Variants in CYP19A1 observed in about 807,000 individuals in gnomAD.
CYP19A1 encodes the protein cytochrome P450 family 19 subfamily A member 1.
In CYP19A1, 32 loss-of-function variants were observed where a neutral mutation model predicts 44.4. That is an observed-to-expected ratio of 0.72 (90% confidence interval 0.54 to 0.97). The LOEUF is 0.97. Ranked by LOEUF, CYP19A1 falls within the 50% of genes least tolerant of loss-of-function variation. The pLI, the probability that CYP19A1 is intolerant of heterozygous loss-of-function variation, is 0.00. For synonymous variants in CYP19A1, 212 were observed against 215.6 expected (o/e 0.98, Z 0.14); for missense variants, 598 against 637.8 (o/e 0.94, Z 0.67).
chr15:51,314,899 G>A (rs1166847859), intron 1 of CYP19A1, among the ~76,000 whole-genome samples: 7 of 152,116 alleles, frequency 4.6e-5, no homozygotes, highest in Admixed American at 4.6e-4. Context: ...CTCCAAACCT[G>A]TTGGTTGTAC....
At chr15:51,301,120 C>A (rs2141001313) in intron 1 of CYP19A1, among the ~76,000 whole-genome samples, 1 of 152,260 alleles carries the variant, frequency 6.6e-6, no homozygotes, top group Middle Eastern at 3.4e-3. Flanking sequence ...TTGGAATGAT[C>A]AAAGGAAAAC....
rs886051270 is a variant in CYP19A1, at chr15:51,208,534, T to C, written c.*2274A>G. 22 of 122,042 alleles carry C rather than the reference T, an allele frequency of 1.8e-4. No individual in the cohort carries two copies. Among genetic ancestry groups the C allele is most frequent in the Non-Finnish European group, 4.3e-4 (22 of 51,532 alleles). The allele number at this position is 122,042 out of a possible 1,614,324, so 7.6% of individuals were successfully genotyped here. A position where few individuals can be genotyped will look rare whatever the true frequency, so the allele number is the denominator to read the frequency against. ...TAACAATGGGGCAAAATTCTGAAGA[T>C]AATAGAATTTTCAAAATGTGTTCAT... On this transcript the variant is annotated 3_prime_UTR_variant, in exon 10 of 10. Coordinates refer to ENST00000396402, the MANE Select transcript of CYP19A1 (RefSeq NM_000103.4).
At chr15:51,323,217 C>G (rs1385851377) in intron 1 of CYP19A1, among the ~76,000 whole-genome samples, 2 of 152,184 alleles carry the variant, frequency 1.3e-5, no homozygotes, top group Non-Finnish European at 2.9e-5. Context: ...CACAATTGCT[C>G]ACCATGCCTG....
Position 51,236,988 on chromosome 15 carries a change from A to C in CYP19A1, c.167T>G (p.Ile56Ser). The C allele has an allele frequency of 6.2e-7, 1 of 1,614,170 alleles. No homozygotes were observed. Among genetic ancestry groups the C allele is most frequent in the Non-Finnish European group, 8.5e-7 (1 of 1,180,014 alleles). ...SIPGPGYCMG[I>S]GPLISHGRFL... ...TCTGCCGTGGGAGATGAGGGGTCCA[A>C]TTCCCATGCAGTAGCCAGGACCTAG... The change falls in exon 3 of 10, where the codon ATT becomes AGT. Residue 56 changes from isoleucine to serine, a missense_variant. Ile to Ser is a moderately radical substitution (Grantham distance 142). Transcript: ENST00000396402.
At position 51,275,773 on chromosome 15, in the gene CYP19A1, G is replaced by A. The variant is rs112268610; in HGVS notation, c.-38-32823C>T. On this transcript the variant is annotated intron_variant, in intron 1 of 9. Coordinates refer to ENST00000396402, the MANE Select transcript of CYP19A1 (RefSeq NM_000103.4). Reference sequence around the variant, plus strand: ...TAAGAGTTCAAAAATTCTGCTGAAAGGCCAACCATGTAGTTATTGAACAAG... The same window carrying A: ...TAAGAGTTCAAAAATTCTGCTGAAAAGCCAACCATGTAGTTATTGAACAAG... Among the ~76,000 whole-genome samples, 961 of 152,236 alleles carry A rather than the reference G, an allele frequency of 6.3e-3. 7 individuals carry two copies. Among genetic ancestry groups the A allele is most frequent in the African/African-American group, 0.022 (922 of 41,520 alleles).
rs1393228820 is a variant in CYP19A1, at chr15:51,209,824, G to C, written c.*984C>G. ...TCGAGGGAGAAGGATAAGGGGATGA[G>C]AGGAGTACCCCTTAGAAGTTTGAGC... On this transcript the variant is annotated 3_prime_UTR_variant, in exon 10 of 10. Transcript: ENST00000396402. 6.4e-6 allele frequency: 1 copy of C among 155,662 alleles called. No homozygotes were observed. Among genetic ancestry groups the C allele is most frequent in the East Asian group, 1.9e-4 (1 of 5,244 alleles). 9.6% of individuals were successfully genotyped at this position (155,662 alleles called of 1,614,324 possible).
At chr15:51,303,995 T>C (rs150214627) in intron 1 of CYP19A1, among the ~76,000 whole-genome samples, 8 of 152,224 alleles carry the variant, frequency 5.3e-5, no homozygotes, top group African/African-American at 1.7e-4. Flanking sequence ...GTGATAATAG[T>C]GGTTTCAGCC....
chr15:51,276,388 A>C (rs1035112857), intron 1 of CYP19A1, among the ~76,000 whole-genome samples: 3 of 152,228 alleles, frequency 2.0e-5, no homozygotes, highest in African/African-American at 7.2e-5. Flanking sequence ...CGATTTGCAA[A>C]GTCCCAAAGA....
chr15:51,211,157 T>C, intron 9 of CYP19A1, 101 bp from the exon 10 acceptor site: 1 of 811,156 alleles, frequency 1.2e-6, no homozygotes, highest in South Asian at 1.4e-5. Flanking sequence ...GAACACTGTT[T>C]TGGGGTTATC....
rs920320823 is a variant in CYP19A1, at chr15:51,208,789, GGATATTTTTGTACCTGCAAAATA to G, written c.*1996_*2018del. 6.5e-5 allele frequency: 8 copies of G among 123,462 alleles called. No individual in the cohort carries two copies. The Admixed American group carries it at 8.6e-4, about 13-fold the overall frequency. 7.6% of individuals were successfully genotyped at this position (123,462 alleles called of 1,614,324 possible). A position where few individuals can be genotyped will look rare whatever the true frequency, so the allele number is the denominator to read the frequency against. ...CCCTTCCACTCCCAGTTTTCCCCCAGGATATTTTTGTACCTGCAAAATAGATATCTATGTACAGCTATATCAAA... is the reference window on the plus strand; with the variant it reads ...CCCTTCCACTCCCAGTTTTCCCCCAGGATATCTATGTACAGCTATATCAAA... On this transcript the variant is annotated 3_prime_UTR_variant, in exon 10 of 10. Transcript: ENST00000396402.
At chr15:51,241,863 C>G (rs1237469576) in intron 2 of CYP19A1, among the ~76,000 whole-genome samples, 1 of 152,068 alleles carries the variant, frequency 6.6e-6, no homozygotes, top group Non-Finnish European at 1.5e-5. Flanking sequence ...TGTGCTAGCC[C>G]CATGCTCCCA....
chr15:51,273,112 A>T (rs1759083912), intron 1 of CYP19A1, among the ~76,000 whole-genome samples: 1 of 151,992 alleles, frequency 6.6e-6, no homozygotes, highest in Admixed American at 6.6e-5. Context: ...GGTGCACGTT[A>T]CCACACCCAG....
intron 1 of CYP19A1, among the ~76,000 whole-genome samples, chr15:51,282,151 A>G (rs2035540932): frequency 6.6e-6 from 1 of 152,160 alleles, no homozygotes; most frequent in Admixed American, 6.5e-5. Context: ...CAGACACATG[A>G]TGATAGTTAC....
chr15:51,328,426 A>G (rs938888486), intron 1 of CYP19A1, among the ~76,000 whole-genome samples: 5 of 152,300 alleles, frequency 3.3e-5, no homozygotes, highest in African/African-American at 4.8e-5. Context: ...CTAAATGTCA[A>G]TGGCATCCCA....
At chr15:51,310,700 T>G (rs1004933051) in intron 1 of CYP19A1, among the ~76,000 whole-genome samples, 1 of 152,190 alleles carries the variant, frequency 6.6e-6, no homozygotes, top group Non-Finnish European at 1.5e-5. Context: ...TCTGGCCAAG[T>G]GGCATGAAAC....
chr15:51,223,292 G>A (rs1454803053), intron 4 of CYP19A1, among the ~76,000 whole-genome samples: 1 of 149,558 alleles, frequency 6.7e-6, no homozygotes, highest in African/African-American at 2.5e-5. Flanking sequence ...TGAAAATAGA[G>A]TAAACTGGCT....
chr15:51,275,742 T>C (rs2035284925), intron 1 of CYP19A1, among the ~76,000 whole-genome samples: 1 of 150,586 alleles, frequency 6.6e-6, no homozygotes. Flanking sequence ...AAGTATGGTT[T>C]ATTTATAAGA....
chr15:51,230,657 C>T (rs1416053036), intron 3 of CYP19A1, among the ~76,000 whole-genome samples: 2 of 139,014 alleles, frequency 1.4e-5, no homozygotes, highest in Non-Finnish European at 3.1e-5. Context: ...CTCACTCTAT[C>T]GCCCAGGCTG....
intron 1 of CYP19A1, among the ~76,000 whole-genome samples, chr15:51,305,723 G>A (rs1330882927): frequency 6.6e-6 from 1 of 151,990 alleles, no homozygotes; most frequent in Non-Finnish European, 1.5e-5. Context: ...ACCACACTGG[G>A]CTAATTTTTG....
Sources: allele counts gnomAD v4.1 joint callset (sites outside exome capture counted in the v4.1 genomes callset), GRCh38; gene constraint gnomAD v4.1.1; transcripts MANE v1.5; gene names NCBI Gene and HGNC (gene_info 2026-07-23, HGNC 2026-07-21).